Variants in ZNF385B observed in about 807,000 individuals in gnomAD.
ZNF385B encodes the protein zinc finger protein 385B.
Under a neutral mutation model 39.2 loss-of-function variants are expected in ZNF385B, and 23 were observed. The observed-to-expected ratio is 0.59, with a 90% CI of 0.42 to 0.83. ZNF385B has a LOEUF of 0.83. Ranked by LOEUF, ZNF385B falls within the 40% of genes least tolerant of loss-of-function variation. ZNF385B has a pLI of 0.00. For missense variants in ZNF385B, 552 were observed against 598.9 expected, an observed-to-expected ratio of 0.92 and a Z score of 0.82; for synonymous variants, 205 against 222.6, an observed-to-expected ratio of 0.92 and a Z score of 0.70.
At chr2:179,545,026 C>A (rs1310507623) in intron 3 of ZNF385B, 57 bp from the exon 4 acceptor site, 12 of 1,609,758 alleles carry the variant, frequency 7.5e-6, no homozygotes, top group Non-Finnish European at 1.0e-5. Flanking sequence ...ATCTCCCTCC[C>A]AAACCTACAG....
intron 3 of ZNF385B, among the ~76,000 whole-genome samples, chr2:179,684,693 A>G (rs926742744): frequency 1.1e-4 from 16 of 152,234 alleles, no homozygotes; most frequent in African/African-American, 3.9e-4. Context: ...TAACATCGTG[A>G]CATACCGAAT....
intron 3 of ZNF385B, among the ~76,000 whole-genome samples, chr2:179,737,805 C>T (rs1292067993): frequency 6.6e-6 from 1 of 152,066 alleles, no homozygotes; most frequent in Non-Finnish European, 1.5e-5. Flanking sequence ...ATAAGGAAAC[C>T]GAGACTTGGA....
chr2:179,830,972 ACT>A (rs772071321), intron 1 of ZNF385B, among the ~76,000 whole-genome samples: 8 of 152,002 alleles, frequency 5.3e-5, no homozygotes, highest in Non-Finnish European at 7.4e-5. Flanking sequence ...GTACAGAAGA[ACT>A]CTCTATACTT....
intron 1 of ZNF385B, among the ~76,000 whole-genome samples, chr2:179,838,717 G>A (rs1351895769): frequency 2.0e-5 from 3 of 151,876 alleles, no homozygotes; most frequent in Non-Finnish European, 4.4e-5. Flanking sequence ...CAAGAATACT[G>A]GAAGCTTCAT....
At chr2:179,762,625 T>A (rs1464695203) in intron 3 of ZNF385B, among the ~76,000 whole-genome samples, 1 of 152,246 alleles carries the variant, frequency 6.6e-6, no homozygotes, top group African/African-American at 2.4e-5. Flanking sequence ...TTTTTTACTC[T>A]AAGTTTATGA....
chr2:179,555,758 T>C (rs953870948), intron 3 of ZNF385B, among the ~76,000 whole-genome samples: 1 of 148,870 alleles, frequency 6.7e-6, no homozygotes, highest in Admixed American at 6.7e-5. Context: ...TAACACAGAC[T>C]CTAGTGATGC....
intron 1 of ZNF385B, among the ~76,000 whole-genome samples, chr2:179,833,842 A>G (rs1708107678): frequency 6.6e-6 from 1 of 152,218 alleles, no homozygotes; most frequent in South Asian, 2.1e-4. Flanking sequence ...GAATGCAGGT[A>G]ACTTGTGGAC....
At chr2:179,614,042 C>A (rs1025674676) in intron 3 of ZNF385B, among the ~76,000 whole-genome samples, 1 of 151,718 alleles carries the variant, frequency 6.6e-6, no homozygotes, top group South Asian at 2.1e-4. Flanking sequence ...GTCTCCCTCC[C>A]GCAAATGCAC....
intron 3 of ZNF385B, among the ~76,000 whole-genome samples, chr2:179,676,951 C>A (rs1283456025): frequency 6.6e-6 from 1 of 152,090 alleles, no homozygotes; most frequent in African/African-American, 2.4e-5. Context: ...TTTAGTATAA[C>A]CCCAGGATTT....
chr2:179,468,247 G>A (rs777422221), intron 6 of ZNF385B, among the ~76,000 whole-genome samples: 9 of 152,188 alleles, frequency 5.9e-5, no homozygotes, highest in Non-Finnish European at 1.2e-4. Context: ...CAGCTTTTCT[G>A]AGTGAGCATA....
At chr2:179,473,051 T>G (rs2105530761) in intron 6 of ZNF385B, among the ~76,000 whole-genome samples, 1 of 152,328 alleles carries the variant, frequency 6.6e-6, no homozygotes, top group South Asian at 2.1e-4. Context: ...TAATATGTGC[T>G]AATTATGTTA....
At chr2:179,538,289 G>T in intron 4 of ZNF385B, among the ~76,000 whole-genome samples, 1 of 152,086 alleles carries the variant, frequency 6.6e-6, no homozygotes, top group Non-Finnish European at 1.5e-5. Context: ...ATACAAATAA[G>T]AGAAAAATAC....
chr2:179,710,107 C>T (rs1378504931), intron 3 of ZNF385B, among the ~76,000 whole-genome samples: 2 of 152,114 alleles, frequency 1.3e-5, no homozygotes, highest in Non-Finnish European at 2.9e-5. Flanking sequence ...TGCAACGACT[C>T]CGGAGAAGAT....
intron 3 of ZNF385B, among the ~76,000 whole-genome samples, chr2:179,762,376 G>C (rs1703453116): frequency 6.6e-6 from 1 of 152,014 alleles, no homozygotes; most frequent in African/African-American, 2.4e-5. Flanking sequence ...ATTTTTAGTA[G>C]AGACGGGGTT....
At chr2:179,774,973 T>C (rs1290232559) in intron 1 of ZNF385B, among the ~76,000 whole-genome samples, 1 of 152,218 alleles carries the variant, frequency 6.6e-6, no homozygotes, top group African/African-American at 2.4e-5. Context: ...TTTCTGAAGA[T>C]TAAAACACAT....
intron 5 of ZNF385B, chr2:179,514,171 G>T: frequency 6.6e-6 from 1 of 152,460 alleles, no homozygotes; most frequent in South Asian, 2.0e-4. Context: ...GAGGCTTTAA[G>T]GGAAAATCCA....
At chr2:179,571,968 T>G (rs192223847) in intron 3 of ZNF385B, among the ~76,000 whole-genome samples, 42 of 152,202 alleles carry the variant, frequency 2.8e-4, no homozygotes, top group Non-Finnish European at 2.9e-5. Context: ...CCAAGTCCTG[T>G]GTAGGTCTCT....
At position 179,522,911 on chromosome 2, in the gene ZNF385B, C is replaced by G. The variant is rs1223847026; in HGVS notation, c.442-4273G>C. 1.6e-5 allele frequency: 7 copies of G among 447,032 alleles called. No individual in the cohort carries two copies. In the East Asian group the frequency reaches 5.2e-4, roughly 33 times the overall value. 27.7% of individuals were successfully genotyped at this position (447,032 alleles called of 1,614,324 possible). ...CAAAATTTATTGGTCTCAAATAAGC[C>G]TCTTCTTTTCTAAAAAAGTAAAAGT... is the stretch of plus-strand genomic sequence containing the variant. On this transcript the variant is annotated intron_variant, in intron 4 of 9. Transcript: ENST00000410066.
chr2:179,497,825 C>T (rs1286944922), intron 5 of ZNF385B, among the ~76,000 whole-genome samples: 1 of 152,084 alleles, frequency 6.6e-6, no homozygotes, highest in African/African-American at 2.4e-5. Context: ...ACAAAAAACA[C>T]ACTTCACCTG....
Sources: gnomAD v4.1 joint callset for allele counts (sites outside exome capture counted in the v4.1 genomes callset) on GRCh38, gnomAD v4.1.1 for gene constraint, MANE v1.5 for transcripts, NCBI Gene and HGNC (gene_info 2026-07-23, HGNC 2026-07-21) for gene names.